The following SYCP1 variants were observed in gnomAD, a reference collection of about 807,000 sequenced individuals.
The protein encoded by SYCP1 is synaptonemal complex protein 1, also known as cancer/testis antigen 8.
A neutral mutation model predicts 153.1 loss-of-function variants in SYCP1; 64 were observed. The observed-to-expected ratio is 0.42, with a 90% CI of 0.34 to 0.51. SYCP1 has a LOEUF of 0.51. Among genes scored for constraint, SYCP1 ranks in the 20% least tolerant of loss-of-function variants. SYCP1 has a pLI of 0.06. For synonymous variants in SYCP1, 384 were observed against 341.8 expected (o/e 1.12, Z -1.36); for missense variants, 997 against 1,049.0 (o/e 0.95, Z 0.68).
intron 16 of SYCP1, among the ~76,000 whole-genome samples, chr1:114,906,645 T>C (rs919415991): frequency 2.0e-5 from 3 of 152,236 alleles, no homozygotes; most frequent in African/African-American, 7.2e-5. Flanking sequence ...AATTTCCATG[T>C]ATTTGGAGAA....
intron 8 of SYCP1, among the ~76,000 whole-genome samples, chr1:114,864,355 A>C (rs1664585974): frequency 6.6e-6 from 1 of 152,180 alleles, no homozygotes; most frequent in Non-Finnish European, 1.5e-5. Flanking sequence ...GTTAAGTGCA[A>C]AGTCCCAGAG....
At chr1:114,875,558 C>T (rs768112242) in intron 9 of SYCP1, among the ~76,000 whole-genome samples, 8 of 152,090 alleles carry the variant, frequency 5.3e-5, no homozygotes, top group Non-Finnish European at 1.0e-4. Context: ...CGCGCCCGGC[C>T]GAGACTTTGT....
chr1:114,862,383 T>C (rs1664438484), intron 8 of SYCP1, among the ~76,000 whole-genome samples: 1 of 150,796 alleles, frequency 6.6e-6, no homozygotes, highest in African/African-American at 2.4e-5. Context: ...GAAGTCTAAC[T>C]CTGTGGCCAG....
intron 21 of SYCP1, among the ~76,000 whole-genome samples, chr1:114,923,912 G>C (rs1669079996): frequency 6.6e-6 from 1 of 152,140 alleles, no homozygotes; most frequent in South Asian, 2.1e-4. Flanking sequence ...TTAGGGAAGA[G>C]TGTCATGAAA....
chr1:114,883,930 A>G (rs986286286), intron 12 of SYCP1, among the ~76,000 whole-genome samples: 4 of 152,116 alleles, frequency 2.6e-5, no homozygotes, highest in East Asian at 1.9e-4. Context: ...TGACCTCATG[A>G]TCCACCCGCC....
At chr1:114,918,854 C>T (rs1218338564) in intron 20 of SYCP1, among the ~76,000 whole-genome samples, 1 of 151,842 alleles carries the variant, frequency 6.6e-6, no homozygotes, top group African/African-American at 2.4e-5. Flanking sequence ...CCTGAATTTG[C>T]TTATTAGTTC....
At chr1:114,861,633 T>C (rs2101311291) in intron 8 of SYCP1, among the ~76,000 whole-genome samples, 1 of 152,278 alleles carries the variant, frequency 6.6e-6, no homozygotes, top group African/African-American at 2.4e-5. Context: ...GTAAATTATG[T>C]AGTCTGTCTG....
intron 20 of SYCP1, 131 bp from the exon 21 acceptor site, chr1:114,923,318 A>C (rs1669023288): frequency 1.1e-6 from 1 of 899,394 alleles, no homozygotes; most frequent in East Asian, 3.2e-5. Flanking sequence ...TATATTATGA[A>C]GTATTCAGTT....
chr1:114,980,020 C>G (rs923341169), intron 28 of SYCP1, among the ~76,000 whole-genome samples: 3 of 151,562 alleles, frequency 2.0e-5, no homozygotes, highest in African/African-American at 7.3e-5. Flanking sequence ...TGTGTGTGCT[C>G]TAGAGAATTC....
chr1:114,936,199 C>CACCA (rs1669997659), intron 23 of SYCP1, among the ~76,000 whole-genome samples: 1 of 152,142 alleles, frequency 6.6e-6, no homozygotes. Context: ...CAAAGCTTAT[C>CACCA]CACCACAATC....
intron 25 of SYCP1, among the ~76,000 whole-genome samples, 193 bp from the exon 26 acceptor site, chr1:114,946,096 A>T (rs951714933): frequency 3.3e-5 from 5 of 152,076 alleles, no homozygotes; most frequent in Non-Finnish European, 7.4e-5. Flanking sequence ...GGTTGTTTGA[A>T]TGAAAAAATA....
chr1:114,978,046 C>T (rs572762261), intron 28 of SYCP1, among the ~76,000 whole-genome samples: 1 of 151,526 alleles, frequency 6.6e-6, no homozygotes, highest in East Asian at 1.9e-4. Context: ...CTGTTTTCCT[C>T]ACTTATATTC....
At chr1:114,899,492 A>G (rs1667276149) in intron 16 of SYCP1, among the ~76,000 whole-genome samples, 1 of 152,202 alleles carries the variant, frequency 6.6e-6, no homozygotes, top group African/African-American at 2.4e-5. Context: ...CTTCAAAGTT[A>G]TCAGACCTGT....
At chr1:114,985,362 T>A (rs1176809115) in intron 30 of SYCP1, among the ~76,000 whole-genome samples, 1 of 151,988 alleles carries the variant, frequency 6.6e-6, no homozygotes, top group Non-Finnish European at 1.5e-5. Context: ...GGACAGCATG[T>A]TTAAGCAGGC....
intron 12 of SYCP1, among the ~76,000 whole-genome samples, chr1:114,880,915 A>AT (rs1280249364): frequency 6.6e-6 from 1 of 152,018 alleles, no homozygotes; most frequent in Non-Finnish European, 1.5e-5. Flanking sequence ...TTTGCTTGTT[A>AT]TTGCCTAATT....
intron 27 of SYCP1, among the ~76,000 whole-genome samples, chr1:114,954,882 A>G (rs1378898509): frequency 6.6e-6 from 1 of 152,092 alleles, no homozygotes; most frequent in Non-Finnish European, 1.5e-5. Context: ...CCTGGCCTTT[A>G]TTTCTTTTTC....
At chr1:114,929,916 T>C (rs1304559624) in intron 23 of SYCP1, among the ~76,000 whole-genome samples, 3 of 152,060 alleles carry the variant, frequency 2.0e-5, no homozygotes, top group Non-Finnish European at 4.4e-5. Flanking sequence ...ACATAGAATG[T>C]TTACCAAAAT....
intron 20 of SYCP1, among the ~76,000 whole-genome samples, chr1:114,916,939 A>G (rs1198816522): frequency 3.3e-5 from 5 of 152,078 alleles, no homozygotes; most frequent in African/African-American, 1.2e-4. Context: ...ACAATGTGTA[A>G]TAATCATATC....
intron 27 of SYCP1, among the ~76,000 whole-genome samples, chr1:114,957,542 T>C (rs185599367): frequency 1.6e-4 from 24 of 152,176 alleles, no homozygotes; most frequent in Non-Finnish European, 3.5e-4. Context: ...AAACTATCCA[T>C]CCAACAAGAG....
Sources: gnomAD v4.1 joint callset for allele counts (sites outside exome capture counted in the v4.1 genomes callset) on GRCh38, gnomAD v4.1.1 for gene constraint, MANE v1.5 for transcripts, NCBI Gene and HGNC (gene_info 2026-07-23, HGNC 2026-07-21) for gene names.